TBC1D19: variants seen among roughly 807,000 people sequenced by gnomAD.
TBC1D19 encodes the protein TBC1 domain family member 19, also known as TBC1 domain family, member 19.
A neutral mutation model predicts 89.0 loss-of-function variants in TBC1D19; 60 were observed. That is an observed-to-expected ratio of 0.67 (90% CI 0.55 to 0.84). The LOEUF is 0.84. Ranked by LOEUF, TBC1D19 falls within the 40% of genes least tolerant of loss-of-function variation. The pLI is 0.00. For synonymous variants in TBC1D19, 189 were observed against 199.7 expected, an observed-to-expected ratio of 0.95 and a Z score of 0.45; for missense variants, 500 against 610.8, an observed-to-expected ratio of 0.82 and a Z score of 1.91.
chr4:26,687,272 T>A (rs4285073), intron 12 of TBC1D19, among the ~76,000 whole-genome samples: 6,493 of 152,266 alleles, frequency 0.043, 477 homozygotes, highest in African/African-American at 0.15. Context: ...TCTGATACTG[T>A]GCTAGGCATT....
chr4:26,595,903 TG>T (rs1008599814), intron 1 of TBC1D19, among the ~76,000 whole-genome samples: 13 of 152,188 alleles, frequency 8.5e-5, no homozygotes, highest in African/African-American at 3.1e-4. Flanking sequence ...CCAACTTTGT[TG>T]TACTTCAGTA....
chr4:26,857,022 G>A, the TBC1D19 span, among the ~76,000 whole-genome samples: 1 of 152,104 alleles, frequency 6.6e-6, no homozygotes, highest in Non-Finnish European at 1.5e-5. Context: ...AGAGAAAGCA[G>A]CAATAAAATT....
chr4:26,724,984 A>C (rs1403064623), intron 15 of TBC1D19, among the ~76,000 whole-genome samples: 1 of 152,214 alleles, frequency 6.6e-6, no homozygotes, highest in Non-Finnish European at 1.5e-5. Context: ...AGGCCATGTC[A>C]GTCCTGAAAA....
intron 15 of TBC1D19, among the ~76,000 whole-genome samples, chr4:26,726,762 A>G (rs1717345460): frequency 6.7e-6 from 1 of 149,658 alleles, no homozygotes; most frequent in Non-Finnish European, 1.5e-5. Flanking sequence ...AGTGAATCAG[A>G]TAGGCGAGTT....
chr4:26,589,364 A>G (rs13140786), intron 1 of TBC1D19, among the ~76,000 whole-genome samples: 69,348 of 152,004 alleles, frequency 0.46, 17,585 homozygotes, highest in Admixed American at 0.6. Context: ...GGTACTACAG[A>G]GTTTTTCTCA....
chr4:26,807,587 A>G, the TBC1D19 span, among the ~76,000 whole-genome samples: 9 of 152,030 alleles, frequency 5.9e-5, no homozygotes, highest in Non-Finnish European at 8.8e-5. Flanking sequence ...TCCTACTAGA[A>G]CCGCCCACCC....
chr4:26,634,793 T>A (rs539407752), intron 4 of TBC1D19, among the ~76,000 whole-genome samples: 7 of 152,272 alleles, frequency 4.6e-5, no homozygotes, highest in African/African-American at 1.7e-4. Context: ...TCAATATGTC[T>A]AGGCTATATG....
At chr4:26,825,527 A>G in the TBC1D19 span, among the ~76,000 whole-genome samples, 4 of 152,354 alleles carry the variant, frequency 2.6e-5, no homozygotes, top group East Asian at 7.7e-4. Context: ...AATCCAGGCC[A>G]TAGTGAATGT....
chr4:26,790,415 C>T, the TBC1D19 span, among the ~76,000 whole-genome samples: 1 of 152,156 alleles, frequency 6.6e-6, no homozygotes, highest in Non-Finnish European at 1.5e-5. Context: ...GAGTTTTTTA[C>T]AGCAGTCAAC....
At chr4:26,858,562 AG>A in the TBC1D19 span, 1 of 152,278 alleles carries the variant, frequency 6.6e-6, no homozygotes, top group Non-Finnish European at 1.5e-5. Context: ...ATATAATTCT[AG>A]GGTTGGGCTT....
chr4:26,618,532 C>T (rs77715971), intron 3 of TBC1D19, among the ~76,000 whole-genome samples: 96 of 152,312 alleles, frequency 6.3e-4, no homozygotes, highest in Non-Finnish European at 1.1e-3. Flanking sequence ...GATTTATAAA[C>T]AGGATTGTGC....
chr4:26,730,203 T>A (rs187507618), intron 15 of TBC1D19, among the ~76,000 whole-genome samples: 266 of 152,340 alleles, frequency 1.7e-3, no homozygotes, highest in African/African-American at 6.1e-3. Flanking sequence ...TCTGCAAGCA[T>A]TTAATGAGTA....
At chr4:26,770,611 C>G in the TBC1D19 span, among the ~76,000 whole-genome samples, 1 of 151,996 alleles carries the variant, frequency 6.6e-6, no homozygotes, top group Non-Finnish European at 1.5e-5. Flanking sequence ...TATTAACCAA[C>G]TATGTCTAAC....
chr4:26,805,144 G>A, the TBC1D19 span, among the ~76,000 whole-genome samples: 1 of 152,166 alleles, frequency 6.6e-6, no homozygotes, highest in African/African-American at 2.4e-5. Context: ...ACATGGGTGG[G>A]GACATGGATC....
intron 7 of TBC1D19, among the ~76,000 whole-genome samples, chr4:26,657,727 C>T (rs1446925873): frequency 2.0e-5 from 3 of 152,196 alleles, no homozygotes; most frequent in African/African-American, 7.2e-5. Context: ...TCCTATTTCT[C>T]CACATCCTCT....
chr4:26,582,932 G>A (rs891907133), upstream of TBC1D19, among the ~76,000 whole-genome samples: 1 of 152,176 alleles, frequency 6.6e-6, no homozygotes. Context: ...TATTCAGAAT[G>A]TAGTCTTTGG....
chr4:26,614,509 G>A lies in TBC1D19; in HGVS notation c.218+56G>A, dbSNP rs1404253460. ...TTTTGTTTAGCTATATTTACTTTGT[G>A]AGTAATAAAACCAGTATTGTTATAT... On this transcript the variant is annotated intron_variant, in intron 3 of 20. Transcript: ENST00000264866. 2.4e-6 allele frequency: 3 copies of A among 1,276,084 alleles called. No individual in the cohort carries two copies. In the African/African-American group the frequency reaches 4.5e-5, roughly 19 times the overall value. 79.0% of individuals were successfully genotyped at this position (1,276,084 alleles called of 1,614,324 possible).
intron 16 of TBC1D19, among the ~76,000 whole-genome samples, chr4:26,736,516 C>T: frequency 6.6e-6 from 1 of 151,790 alleles, no homozygotes; most frequent in Admixed American, 6.6e-5. Flanking sequence ...GCACAATGTG[C>T]ACATGTACCC....
the TBC1D19 span, among the ~76,000 whole-genome samples, chr4:26,826,412 T>C: frequency 6.6e-6 from 1 of 152,204 alleles, no homozygotes; most frequent in Non-Finnish European, 1.5e-5. Context: ...TGATTTATAT[T>C]TGTGCCCTTA....
Sources: gnomAD v4.1 joint callset for allele counts (sites outside exome capture counted in the v4.1 genomes callset) on GRCh38, gnomAD v4.1.1 for gene constraint, MANE v1.5 for transcripts, NCBI Gene and HGNC (gene_info 2026-07-23, HGNC 2026-07-21) for gene names.